CAMTA1: variants seen among roughly 807,000 people sequenced by gnomAD.
CAMTA1 encodes the protein calmodulin-binding transcription activator 1.
Under a neutral mutation model 170.9 loss-of-function variants are expected in CAMTA1, and 27 were observed. That is an observed-to-expected ratio of 0.16 (90% CI 0.12 to 0.22). CAMTA1 has a LOEUF of 0.22. CAMTA1 is among the 10% of genes least tolerant of loss of function. CAMTA1 has a pLI of 1.00. For synonymous variants in CAMTA1, 833 were observed against 891.5 expected, an observed-to-expected ratio of 0.93 and a Z score of 1.17; for missense variants, 1,619 against 2,217.2, an observed-to-expected ratio of 0.73 and a Z score of 5.42.
At chr1:7,747,573 A>G (rs1045804549) in intron 18 of CAMTA1, 137 bp from the exon 19 acceptor site, 2 of 559,214 alleles carry the variant, frequency 3.6e-6, no homozygotes, top group South Asian at 2.5e-5. Context: ...TTCCTCATTT[A>G]TAATTAATTA....
intron 4 of CAMTA1, among the ~76,000 whole-genome samples, chr1:7,230,148 C>T (rs918699649): frequency 6.6e-6 from 1 of 152,156 alleles, no homozygotes; most frequent in African/African-American, 2.4e-5. Context: ...CCAGCCTGGC[C>T]TGGCTCCTGG....
chr1:7,701,875 C>T (rs966245756), intron 11 of CAMTA1, among the ~76,000 whole-genome samples: 1 of 152,136 alleles, frequency 6.6e-6, no homozygotes, highest in Admixed American at 6.5e-5. Context: ...CATGCGCGTG[C>T]CTTATTCTCT....
At chr1:7,493,649 G>T (rs962577633) in intron 6 of CAMTA1, among the ~76,000 whole-genome samples, 2 of 22,062 alleles carry the variant, frequency 9.1e-5, no homozygotes, top group Non-Finnish European at 1.7e-4. Context: ...GAACTGGGGG[G>T]GGGGGGGGGT....
Position 6,995,910 on chromosome 1 carries a change from C to T in CAMTA1, c.235-95394C>T, listed in dbSNP as rs532089844. ...TCAAACAATTTTGGTGGGCTCTGAGCGAAGGGGCTGTCTCTTGCTGCCTGG... is the reference window on the plus strand; with the variant it reads ...TCAAACAATTTTGGTGGGCTCTGAGTGAAGGGGCTGTCTCTTGCTGCCTGG... On this transcript the variant is annotated intron_variant, in intron 3 of 22. Transcript: ENST00000303635. Among the ~76,000 whole-genome samples, 25 of 152,260 alleles carry T rather than the reference C, an allele frequency of 1.6e-4. 1 individual carries two copies. The South Asian group carries it at 5.0e-3, about 30-fold the overall frequency.
At chr1:6,902,610 T>C (rs1301709560) in intron 3 of CAMTA1, among the ~76,000 whole-genome samples, 1 of 152,162 alleles carries the variant, frequency 6.6e-6, no homozygotes, top group East Asian at 1.9e-4. Context: ...TGTATGGTGT[T>C]TGTGATTGTG....
intron 3 of CAMTA1, among the ~76,000 whole-genome samples, chr1:6,888,961 G>A (rs1486324941): frequency 6.6e-6 from 1 of 151,912 alleles, no homozygotes; most frequent in Non-Finnish European, 1.5e-5. Flanking sequence ...CTTCTTTTTA[G>A]GTATAGCTTA....
chr1:7,669,095 A>T (rs1194164149), intron 9 of CAMTA1, among the ~76,000 whole-genome samples: 2 of 152,172 alleles, frequency 1.3e-5, no homozygotes, highest in East Asian at 3.9e-4. Context: ...AGGAGATGCC[A>T]CCCAGAGAGG....
intron 1 of CAMTA1, among the ~76,000 whole-genome samples, chr1:6,803,940 T>G (rs1570166191): frequency 6.6e-6 from 1 of 151,920 alleles, no homozygotes; most frequent in Admixed American, 6.6e-5. Flanking sequence ...CCCAGCACTT[T>G]GGGAGGCTGA....
At chr1:6,959,602 A>T (rs947731471) in intron 3 of CAMTA1, among the ~76,000 whole-genome samples, 1 of 152,242 alleles carries the variant, frequency 6.6e-6, no homozygotes, top group Non-Finnish European at 1.5e-5. Context: ...GTCAGGTGCC[A>T]GGAAAGTATT....
At chr1:7,757,302 C>T (rs187801282) in intron 22 of CAMTA1, among the ~76,000 whole-genome samples, 1 of 152,160 alleles carries the variant, frequency 6.6e-6, no homozygotes, top group Non-Finnish European at 1.5e-5. Context: ...AGGAAAGCAG[C>T]CACAGACAAC....
intron 3 of CAMTA1, among the ~76,000 whole-genome samples, chr1:6,827,962 G>A (rs536403069): frequency 6.6e-6 from 1 of 152,294 alleles, no homozygotes; most frequent in African/African-American, 2.4e-5. Flanking sequence ...CACTGGAAGA[G>A]GCGTGTGGGA....
At chr1:7,498,983 CGTGT>C (rs1475722588) in intron 6 of CAMTA1, among the ~76,000 whole-genome samples, 14 of 112,624 alleles carry the variant, frequency 1.2e-4, no homozygotes, top group South Asian at 6.6e-4. Context: ...GTCTGGTGTG[CGTGT>C]GTATGTATAT....
At chr1:6,787,055 G>T (rs954930809) in intron 1 of CAMTA1, among the ~76,000 whole-genome samples, 2 of 152,212 alleles carry the variant, frequency 1.3e-5, no homozygotes, top group African/African-American at 4.8e-5. Flanking sequence ...ACACTCAAGA[G>T]TCCTTGAACC....
chr1:7,549,297 G>C (rs1202887335), intron 6 of CAMTA1, among the ~76,000 whole-genome samples: 1 of 151,946 alleles, frequency 6.6e-6, no homozygotes, highest in Non-Finnish European at 1.5e-5. Flanking sequence ...GATGCCCGTG[G>C]AGGGTGTTTT....
At chr1:7,231,327 A>ATGTGTGTGTGTGTGTGTG (rs745744631) in intron 4 of CAMTA1, among the ~76,000 whole-genome samples, 29 of 141,878 alleles carry the variant, frequency 2.0e-4, no homozygotes, top group South Asian at 4.7e-4. Flanking sequence ...TACTGGCTTA[A>ATGTGTGTGTGTGTGTGTG]TGTGTGTGTG....
Position 7,547,390 on chromosome 1 carries a change from A to AC in CAMTA1, c.510+79489_510+79490insC, listed in dbSNP as rs1320949454. ...CACACACACACACACACACACACACAGAGTTGGCCTTCCACATTCATGAGT... is the reference window on the plus strand; with the variant it reads ...CACACACACACACACACACACACACACGAGTTGGCCTTCCACATTCATGAGT... On this transcript the variant is annotated intron_variant, in intron 6 of 22. Transcript: ENST00000303635. The surrounding 1 kb of genome is among the most constrained non-coding windows in gnomAD (Gnocchi z 5.7). Among the ~76,000 whole-genome samples the AC allele has an allele frequency of 2.0e-5, 3 of 147,650 alleles. No homozygotes were observed. The highest frequency in any genetic ancestry group is 7.4e-5 in the African/African-American group (3 of 40,392).
chr1:7,188,137 C>T (rs946480010), intron 4 of CAMTA1, among the ~76,000 whole-genome samples: 2 of 152,104 alleles, frequency 1.3e-5, no homozygotes, highest in Admixed American at 6.5e-5. Context: ...CACTCATTAT[C>T]CTGACAACAG....
At chr1:7,441,909 G>A (rs918851237) in intron 5 of CAMTA1, among the ~76,000 whole-genome samples, 12 of 152,152 alleles carry the variant, frequency 7.9e-5, no homozygotes, top group African/African-American at 1.9e-4. Flanking sequence ...AAGCGTAGGC[G>A]CAGACTCTGG....
chr1:7,626,134 A>G (rs11808296), intron 6 of CAMTA1, among the ~76,000 whole-genome samples: 20,217 of 152,222 alleles, frequency 0.13, 1,452 homozygotes, highest in African/African-American at 0.16. Context: ...GAACTGGGGA[A>G]CACATTAAAA....
Sources: gnomAD v4.1 joint callset for allele counts (sites outside exome capture counted in the v4.1 genomes callset) on GRCh38, gnomAD v4.1.1 for gene constraint, Gnocchi (gnomAD v3.1) non-coding constraint, MANE v1.5 for transcripts, NCBI Gene and HGNC (gene_info 2026-07-23, HGNC 2026-07-21) for gene names.